PI4KA: variants seen among roughly 807,000 people sequenced by gnomAD.
The protein encoded by PI4KA is PI4-kinase alpha.
PI4KA carries 122 observed loss-of-function variants against 271.4 expected under a neutral mutation model. That is an observed-to-expected ratio of 0.45 (90% CI 0.39 to 0.52). PI4KA has a LOEUF of 0.52. Ranked by LOEUF, PI4KA falls within the 20% of genes least tolerant of loss-of-function variation. The pLI is 0.00. For synonymous variants in PI4KA, 1,041 were observed against 1,078.8 expected, an observed-to-expected ratio of 0.96 and a Z score of 0.69; for missense variants, 1,969 against 2,769.1, an observed-to-expected ratio of 0.71 and a Z score of 6.48.
rs77286517 is a variant in PI4KA, at chr22:20,729,867, C to G, written c.4408+25G>C. Reference sequence around the variant, plus strand: ...TAGAATGATAGCTTGCATGTGATGGCCCCAGCAGCACACCTCCCACCGACC... The same window carrying G: ...TAGAATGATAGCTTGCATGTGATGGGCCCAGCAGCACACCTCCCACCGACC... On this transcript the variant is annotated intron_variant, in intron 37 of 54. Transcript: ENST00000255882. 1,713 of 1,613,388 alleles carry G rather than the reference C, an allele frequency of 1.1e-3. 15 individuals carry two copies. The African/African-American group carries it at 0.02, about 19-fold the overall frequency.
chr22:20,813,586 C>G, intron 7 of PI4KA, 80 bp from the exon 8 acceptor site: 3 of 1,298,750 alleles, frequency 2.3e-6, no homozygotes, highest in Non-Finnish European at 3.3e-6. Flanking sequence ...CCCCAATAAC[C>G]AACAAAGGTG....
chr22:20,844,519 G>A (rs1926008237), intron 1 of PI4KA, among the ~76,000 whole-genome samples: 1 of 151,750 alleles, frequency 6.6e-6, no homozygotes, highest in South Asian at 2.1e-4. Context: ...TCCAGCAGGA[G>A]TTACAAAACT....
intron 32 of PI4KA, among the ~76,000 whole-genome samples, chr22:20,735,632 C>T (rs1425888723): frequency 6.6e-6 from 1 of 152,136 alleles, no homozygotes; most frequent in Non-Finnish European, 1.5e-5. Context: ...GCACTCTGTC[C>T]TTGTCTTCCT....
At chr22:20,765,039 G>A (rs754088611) in intron 21 of PI4KA, 61 bp downstream of exon 21, 131 of 1,582,188 alleles carry the variant, frequency 8.3e-5, no homozygotes, top group Middle Eastern at 5.0e-4. Flanking sequence ...AATAATGACA[G>A]TGAAAAGATC....
At chr22:20,769,213 C>T (rs1324705072) in intron 19 of PI4KA, among the ~76,000 whole-genome samples, 1 of 152,172 alleles carries the variant, frequency 6.6e-6, no homozygotes, top group Non-Finnish European at 1.5e-5. Context: ...GATTTGGGAT[C>T]CTACTCCTGA....
intron 17 of PI4KA, among the ~76,000 whole-genome samples, chr22:20,797,531 C>A (rs909098283): frequency 1.4e-4 from 21 of 152,150 alleles, no homozygotes; most frequent in African/African-American, 4.8e-4. Flanking sequence ...CTGACCCCAT[C>A]CCCAATCCAG....
intron 6 of PI4KA, among the ~76,000 whole-genome samples, chr22:20,819,192 A>AT (rs919341719): frequency 3.3e-5 from 5 of 151,988 alleles, no homozygotes; most frequent in African/African-American, 9.7e-5. Flanking sequence ...GTTTAAATGA[A>AT]TTTTTTTTGT....
intron 17 of PI4KA, among the ~76,000 whole-genome samples, 172 bp from the exon 18 acceptor site, chr22:20,796,486 C>T (rs1934995268): frequency 6.6e-6 from 1 of 152,212 alleles, no homozygotes. Flanking sequence ...ATGTCATCTT[C>T]GTGAAAAACA....
intron 22 of PI4KA, among the ~76,000 whole-genome samples, chr22:20,762,907 T>C (rs1932118470): frequency 6.6e-6 from 1 of 151,698 alleles, no homozygotes; most frequent in Non-Finnish European, 1.5e-5. Context: ...CATAGCTCAC[T>C]GCAGCCTCAA....
intron 7 of PI4KA, 51 bp downstream of exon 7, chr22:20,818,432 C>G: frequency 4.4e-6 from 6 of 1,374,316 alleles, no homozygotes; most frequent in Non-Finnish European, 6.1e-6. Flanking sequence ...TCACTGTGAG[C>G]CTGTTCTCCA....
intron 19 of PI4KA, among the ~76,000 whole-genome samples, chr22:20,782,611 A>G (rs1933883899): frequency 6.6e-6 from 1 of 152,232 alleles, no homozygotes; most frequent in African/African-American, 2.4e-5. Flanking sequence ...GAGACATGGG[A>G]CAGCTCCATC....
intron 43 of PI4KA, 80 bp from the exon 44 acceptor site, chr22:20,718,902 C>G (rs1926362188): frequency 2.0e-6 from 3 of 1,474,286 alleles, no homozygotes; most frequent in Non-Finnish European, 2.8e-6. Context: ...TTTCCCAGGC[C>G]CCAGACTGGC....
intron 1 of PI4KA, among the ~76,000 whole-genome samples, chr22:20,857,763 T>C (rs894783831): frequency 2.6e-5 from 4 of 152,140 alleles, no homozygotes; most frequent in African/African-American, 7.2e-5. Context: ...CAAGAGGACA[T>C]GGTAAGTAAG....
chr22:20,744,241 G>A (rs973971277), intron 30 of PI4KA, among the ~76,000 whole-genome samples: 1 of 152,086 alleles, frequency 6.6e-6, no homozygotes, highest in Non-Finnish European at 1.5e-5. Context: ...CCACTTGTGC[G>A]ACTTTGGCAA....
chr22:20,852,424 C>A (rs1441198942), intron 1 of PI4KA, among the ~76,000 whole-genome samples: 1 of 152,184 alleles, frequency 6.6e-6, no homozygotes, highest in Non-Finnish European at 1.5e-5. Context: ...ATTGCTGACA[C>A]CTTCATCTTG....
intron 9 of PI4KA, 93 bp from the exon 10 acceptor site, chr22:20,807,551 C>G: frequency 1.4e-6 from 1 of 692,428 alleles, no homozygotes; most frequent in East Asian, 2.7e-5. Context: ...AATGGTGATT[C>G]GTGACTTAGC....
intron 52 of PI4KA, 109 bp downstream of exon 52, chr22:20,710,590 G>A: frequency 1.0e-6 from 1 of 977,168 alleles, no homozygotes; most frequent in Admixed American, 2.2e-5. Flanking sequence ...GCAGGTGGCT[G>A]CTAGCACCTA....
At chr22:20,785,445 C>T (rs1351684161) in intron 19 of PI4KA, among the ~76,000 whole-genome samples, 1 of 152,224 alleles carries the variant, frequency 6.6e-6, no homozygotes, top group African/African-American at 2.4e-5. Flanking sequence ...ATCAAGCCTT[C>T]CTGCCCATCC....
intron 1 of PI4KA, among the ~76,000 whole-genome samples, chr22:20,855,722 AT>A (rs1391536703): frequency 6.6e-6 from 1 of 152,222 alleles, no homozygotes; most frequent in African/African-American, 2.4e-5. Context: ...AGGAAAGTCC[AT>A]TAGAGAATCA....
Sources: allele counts gnomAD v4.1 joint callset (sites outside exome capture counted in the v4.1 genomes callset), GRCh38; gene constraint gnomAD v4.1.1; transcripts MANE v1.5; gene names NCBI Gene and HGNC (gene_info 2026-07-23, HGNC 2026-07-21).